The following MIEF2 variants were observed in gnomAD, a reference collection of about 807,000 sequenced individuals.
MIEF2 encodes the protein mitochondrial dynamics protein MID49.
A neutral mutation model predicts 7.4 loss-of-function variants in MIEF2; 1 was observed. The observed-to-expected ratio is 0.14, with a 90% CI of 0.05 to 0.64. MIEF2 has a LOEUF of 0.64. Among genes scored for constraint, MIEF2 ranks in the 30% least tolerant of loss-of-function variants. The pLI is 0.85. For synonymous variants in MIEF2, 275 were observed against 290.5 expected (o/e 0.95, Z 0.54); for missense variants, 569 against 623.9 (o/e 0.91, Z 0.94).
chr17:18,263,582 T>G, intron 3 of MIEF2, 128 bp from the exon 4 acceptor site: 1 of 1,242,306 alleles, frequency 8.0e-7, no homozygotes, highest in Non-Finnish European at 1.1e-6. Context: ...CTGAACTGAG[T>G]GCCTTCTCAG....
At position 18,262,792 on chromosome 17, in the gene MIEF2, C is replaced by T. The variant is rs547742037; in HGVS notation, c.72C>T (p.Leu24=). The T allele has an allele frequency of 6.3e-7, 1 of 1,591,148 alleles. No individual in the cohort carries two copies. Among genetic ancestry groups the T allele is most frequent in the Non-Finnish European group, 8.6e-7 (1 of 1,169,292 alleles). Residue 24 remains leucine (L), a synonymous_variant, in exon 2 of 4, where the codon CTC becomes CTT. Coordinates refer to ENST00000323019, the MANE Select transcript of MIEF2 (RefSeq NM_139162.4). The stretch of plus-strand genomic sequence containing the variant: ...GGCTGGGCAGCATGGTGGACTTCCT[C>T]CTGGCCAATGCCCGCCTGGTGCTGG... ...DEGLGSMVDF[L]LANARLVLGV... is the part of the protein sequence containing the mutation.
At chr17:18,261,989 C>T (rs1469314114) in intron 1 of MIEF2, among the ~76,000 whole-genome samples, 2 of 152,244 alleles carry the variant, frequency 1.3e-5, no homozygotes, top group African/African-American at 4.8e-5. Flanking sequence ...AGCTCTGCCT[C>T]TTGGGCTACC....
chr17:18,260,970 C>T, intron 1 of MIEF2: 1 of 777,484 alleles, frequency 1.3e-6, no homozygotes, highest in East Asian at 2.7e-5. Flanking sequence ...TGCTGCGCGG[C>T]CTGCTCCGCC....
In MIEF2 at chr17:18,263,175, C is replaced by G. The variant is rs146109824; in HGVS notation, c.237C>G (p.His79Gln). The G allele has an allele frequency of 1.2e-4, 195 of 1,613,630 alleles. No homozygotes were observed. The highest frequency in any genetic ancestry group is 6.2e-4 in the Admixed American group (37 of 60,036). Residue 79 changes from histidine (H) to glutamine (Q), a missense_variant, in exon 3 of 4, where the codon CAC becomes CAG. Physicochemically the swap from His to Gln is conservative, Grantham distance 24. Coordinates refer to ENST00000323019, the MANE Select transcript of MIEF2 (RefSeq NM_139162.4). ...KELSLLKATP[H>Q]LQPRPPPAAL... ...TGAGCCTGCTCAAGGCCACACCACACCTGCAGCCCCGGCCTCCACCTGCTG... is the reference window on the plus strand; with the variant it reads ...TGAGCCTGCTCAAGGCCACACCACAGCTGCAGCCCCGGCCTCCACCTGCTG...
At chr17:18,263,545 C>A in intron 3 of MIEF2, 165 bp from the exon 4 acceptor site, 1 of 1,019,494 alleles carries the variant, frequency 9.8e-7, no homozygotes, top group South Asian at 1.6e-5. Context: ...GAGAACTCGT[C>A]ACCAAGAGCT....
rs1014644964 is a variant in MIEF2, at chr17:18,265,781, A to T, written c.*1017A>T. 6.6e-6 allele frequency: 1 copy of T among 152,442 alleles called. No individual in the cohort carries two copies. The highest frequency in any genetic ancestry group is 1.5e-5 in the Non-Finnish European group (1 of 68,048). 9.4% of individuals were successfully genotyped at this position (152,442 alleles called of 1,614,324 possible). ...AGGAAAAAATTCTAATGTATATATAACTCAGGCTGGATAAGGGAGTCTTGG... is the reference window on the plus strand; with the variant it reads ...AGGAAAAAATTCTAATGTATATATATCTCAGGCTGGATAAGGGAGTCTTGG... On this transcript the variant is annotated 3_prime_UTR_variant, in exon 4 of 4. Coordinates refer to ENST00000323019, the MANE Select transcript of MIEF2 (RefSeq NM_139162.4).
rs757518627 is a variant in MIEF2, at chr17:18,264,398, C to T, written c.999C>T (p.Asp333=). ...TGGCGGGGAACCTCTGGCTGCAGGA[C>T]CTGTATCCAGTGGAGGCTGCTAGGC... ...EGLAGNLWLQ[D]LYPVEAARLR... is the part of the protein sequence containing the mutation. Residue 333 remains aspartate, a synonymous_variant, in exon 4 of 4, where the codon GAC becomes GAT. Transcript: ENST00000323019. 3.1e-5 allele frequency: 49 copies of T among 1,601,334 alleles called. No individual in the cohort carries two copies. In the South Asian group the frequency reaches 4.6e-4, roughly 15 times the overall value.
At position 18,264,830 on chromosome 17, in the gene MIEF2, G is replaced by A; in HGVS notation, c.*66G>A. On this transcript the variant is annotated 3_prime_UTR_variant, in exon 4 of 4. Coordinates refer to ENST00000323019, the MANE Select transcript of MIEF2 (RefSeq NM_139162.4). Reference sequence around the variant, plus strand: ...GGAGCTGCACCCACCTCCCTTCCAGGGATTTGAATAGTGGTTTTTCTCTAG... The same window carrying A: ...GGAGCTGCACCCACCTCCCTTCCAGAGATTTGAATAGTGGTTTTTCTCTAG... 6.5e-7 allele frequency: 1 copy of A among 1,531,636 alleles called. No homozygotes were observed. Among genetic ancestry groups the A allele is most frequent in the Non-Finnish European group, 8.8e-7 (1 of 1,139,814 alleles). 94.9% of individuals were successfully genotyped at this position (1,531,636 alleles called of 1,614,324 possible).
intron 1 of MIEF2, chr17:18,261,129 G>T (rs1488721233): frequency 1.9e-6 from 3 of 1,551,596 alleles, no homozygotes; most frequent in African/African-American, 2.7e-5. Flanking sequence ...GCGCGACCCC[G>T]CCAGAGATGG....
chr17:18,263,233 T>G lies in MIEF2; in HGVS notation c.295T>G (p.Ser99Ala). The G allele has an allele frequency of 3.7e-6, 6 of 1,613,816 alleles. No homozygotes were observed. Among genetic ancestry groups the G allele is most frequent in the Non-Finnish European group, 5.1e-6 (6 of 1,180,034 alleles). Residue 99 changes from serine to alanine, a missense_variant, in exon 3 of 4, where the codon TCG becomes GCG. Ser to Ala is a moderately conservative substitution (Grantham distance 99, BLOSUM62 1). Coordinates refer to ENST00000323019, the MANE Select transcript of MIEF2 (RefSeq NM_139162.4). Reference protein sequence around the residue: ...LSQPVLPLAPSSSAPEGPAET... With the variant: ...LSQPVLPLAPASSAPEGPAET... ...CCAGCCAGTGTTGCCCTTGGCCCCCTCGTCGTCTGCCCCAGGTGAGTGGCA... is the reference window on the plus strand; with the variant it reads ...CCAGCCAGTGTTGCCCTTGGCCCCCGCGTCGTCTGCCCCAGGTGAGTGGCA...
At chr17:18,261,045 G>A in intron 1 of MIEF2, 1 of 1,498,246 alleles carries the variant, frequency 6.7e-7, no homozygotes, top group Non-Finnish European at 9.1e-7. Flanking sequence ...GCCCCGCTGC[G>A]CAAACTTGGG....
Position 18,266,483 on chromosome 17 carries a change from C to CA in MIEF2, c.*1720dup, listed in dbSNP as rs1304269289. The CA allele has an allele frequency of 6.6e-5, 10 of 152,116 alleles. No individual in the cohort carries two copies. The highest frequency in any genetic ancestry group is 1.2e-4 in the Non-Finnish European group (8 of 68,022). 9.4% of individuals were successfully genotyped at this position (152,116 alleles called of 1,614,324 possible). On this transcript the variant is annotated 3_prime_UTR_variant, in exon 4 of 4. Coordinates refer to ENST00000323019, the MANE Select transcript of MIEF2 (RefSeq NM_139162.4). ...GAGCTGAGATCGTGCCAGTGCACTC[C>CA]AGCCTAGGCAACAAGAGTGAAACTC...
rs1978738567 is a variant in MIEF2 at position 18,266,153 on chromosome 17, CTG to C, written c.*1390_*1391del. Reference sequence around the variant, plus strand: ...CCCGGGAGGTAGAGGTTGCAATGAGCTGAAATTGCACCACTGCACTCCAGACT... The same window carrying C: ...CCCGGGAGGTAGAGGTTGCAATGAGCAAATTGCACCACTGCACTCCAGACT... On this transcript the variant is annotated 3_prime_UTR_variant, in exon 4 of 4. Transcript: ENST00000323019. 1.3e-5 allele frequency: 2 copies of C among 151,840 alleles called. No homozygotes were observed. The highest frequency in any genetic ancestry group is 4.8e-5 in the African/African-American group (2 of 41,238). 9.4% of individuals were successfully genotyped at this position (151,840 alleles called of 1,614,324 possible). A position where few individuals can be genotyped will look rare whatever the true frequency, so the allele number is the denominator to read the frequency against.
In MIEF2 at chr17:18,262,749, A is replaced by G. The variant is rs1268359950; in HGVS notation, c.29A>G (p.Lys10Arg). MAEFSQKRG[K>R]RRSDEGLGSM... ...GCAGAGTTCTCCCAGAAACGGGGGA[A>G]GCGGCGTAGCGACGAAGGGCTGGGC... The change falls in exon 2 of 4, where the codon AAG becomes AGG. Residue 10 changes from lysine to arginine, a missense_variant. Lys to Arg is a conservative substitution (Grantham distance 26). Coordinates refer to ENST00000323019, the MANE Select transcript of MIEF2 (RefSeq NM_139162.4). 1 of 1,608,020 alleles carries G rather than the reference A, an allele frequency of 6.2e-7. No individual in the cohort carries two copies. Among genetic ancestry groups the G allele is most frequent in the African/African-American group, 1.3e-5 (1 of 74,842 alleles).
At position 18,260,733 on chromosome 17, in the gene MIEF2, C is replaced by T; in HGVS notation, c.-12C>T. The T allele has an allele frequency of 4.7e-6, 1 of 213,608 alleles. No homozygotes were observed. The highest frequency in any genetic ancestry group is 9.4e-6 in the Non-Finnish European group (1 of 106,144). The allele number at this position is 213,608 out of a possible 1,614,324, so 13.2% of individuals were successfully genotyped here. On this transcript the variant is annotated 5_prime_UTR_variant, in exon 1 of 4. In the 5' UTR this introduces an upstream ATG that the reference lacks. Coordinates refer to ENST00000323019, the MANE Select transcript of MIEF2 (RefSeq NM_139162.4). ...TCCGGTCGTCGTGCGGAAGCTGCGA[C>T]GCAGGTACAGCTGGAGCGCGGCGGG... is the stretch of plus-strand genomic sequence containing the variant.
At chr17:18,261,042 T>C in intron 1 of MIEF2, 1 of 1,491,008 alleles carries the variant, frequency 6.7e-7, no homozygotes, top group Non-Finnish European at 9.1e-7. Flanking sequence ...AGGGCCCCGC[T>C]GCGCAAACTT....
intron 1 of MIEF2, 104 bp downstream of exon 1, chr17:18,260,841 A>C: frequency 2.2e-6 from 1 of 456,466 alleles, no homozygotes; most frequent in South Asian, 2.8e-5. Flanking sequence ...ACCGCTGGGG[A>C]AGGCGGGGAG....
At chr17:18,261,925 T>C (rs551315712) in intron 1 of MIEF2, among the ~76,000 whole-genome samples, 2 of 152,254 alleles carry the variant, frequency 1.3e-5, no homozygotes, top group Non-Finnish European at 2.9e-5. Context: ...CACATCTGCA[T>C]TGGCCTGCCT....
chr17:18,260,864 G>A (rs1208954002), intron 1 of MIEF2, 127 bp downstream of exon 1: 2 of 523,604 alleles, frequency 3.8e-6, no homozygotes, highest in Non-Finnish European at 6.8e-6. Flanking sequence ...GACCTTTGGG[G>A]GACCAAGGGC....
Sources: gnomAD v4.1 joint callset for allele counts (sites outside exome capture counted in the v4.1 genomes callset) on GRCh38, gnomAD v4.1.1 for gene constraint, MANE v1.5 for transcripts, NCBI Gene and HGNC (gene_info 2026-07-23, HGNC 2026-07-21) for gene names.